The following NFKB1 variants were observed in gnomAD, a reference collection of about 807,000 sequenced individuals.
NFKB1 encodes the protein nuclear factor kappa B subunit 1.
Under a neutral mutation model 105.1 loss-of-function variants are expected in NFKB1, and 9 were observed. The ratio of observed to expected loss-of-function variants is 0.09; its 90% CI spans 0.05 to 0.15. The LOEUF is 0.15. Ranked by LOEUF, NFKB1 falls within the 10% of genes least tolerant of loss-of-function variation. NFKB1 has a pLI of 1.00. For missense variants in NFKB1, 830 were observed against 1,203.7 expected (o/e 0.69, Z 4.59); for synonymous variants, 440 against 442.2 (o/e 1.00, Z 0.06).
intron 5 of NFKB1, among the ~76,000 whole-genome samples, chr4:102,561,165 C>T (rs146709214): frequency 2.8e-4 from 43 of 152,246 alleles, no homozygotes; most frequent in Admixed American, 1.1e-3. Flanking sequence ...TTCCTGGTTG[C>T]CCTGGTTGCT....
intron 3 of NFKB1, among the ~76,000 whole-genome samples, chr4:102,531,521 T>A (rs1741289747): frequency 6.6e-6 from 1 of 152,190 alleles, no homozygotes; most frequent in South Asian, 2.1e-4. Context: ...TCTAGATTTT[T>A]TGAAATCTAA....
At chr4:102,532,941 G>A (rs975518191) in intron 3 of NFKB1, among the ~76,000 whole-genome samples, 1 of 152,106 alleles carries the variant, frequency 6.6e-6, no homozygotes, top group Admixed American at 6.6e-5. Flanking sequence ...TGAACAGTTT[G>A]TACTTATGTT....
At chr4:102,505,305 A>C (rs1256084705) in intron 1 of NFKB1, among the ~76,000 whole-genome samples, 1 of 152,248 alleles carries the variant, frequency 6.6e-6, no homozygotes, top group Non-Finnish European at 1.5e-5. Context: ...ATTATGGATG[A>C]AAATATTTGT....
chr4:102,525,295 C>A (rs1487858926), intron 1 of NFKB1, among the ~76,000 whole-genome samples: 1 of 152,090 alleles, frequency 6.6e-6, no homozygotes, highest in African/African-American at 2.4e-5. Flanking sequence ...TTGAATCATA[C>A]GTAAGTGGTA....
intron 5 of NFKB1, among the ~76,000 whole-genome samples, chr4:102,551,424 C>G (rs983848439): frequency 1.2e-4 from 18 of 150,990 alleles, no homozygotes; most frequent in African/African-American, 4.4e-4. Context: ...AAAATATACC[C>G]TCCTTGAGAT....
At chr4:102,574,526 C>T (rs1480861837) in intron 6 of NFKB1, among the ~76,000 whole-genome samples, 2 of 152,158 alleles carry the variant, frequency 1.3e-5, no homozygotes, top group Admixed American at 6.5e-5. Flanking sequence ...TGAGTTTTAG[C>T]CTCCTTGGCT....
intron 13 of NFKB1, 83 bp downstream of exon 13, chr4:102,595,064 C>G: frequency 1.2e-6 from 1 of 825,142 alleles, no homozygotes; most frequent in Non-Finnish European, 2.0e-6. Flanking sequence ...TTACTTATCA[C>G]AACAGTATTA....
At chr4:102,587,986 CTG>C (rs1166973908) in intron 11 of NFKB1, among the ~76,000 whole-genome samples, 1 of 152,168 alleles carries the variant, frequency 6.6e-6, no homozygotes, top group South Asian at 2.1e-4. Context: ...CCCCCAGTCT[CTG>C]TAGTCATTCC....
intron 1 of NFKB1, among the ~76,000 whole-genome samples, chr4:102,518,150 A>G (rs1740324954): frequency 6.6e-6 from 1 of 152,202 alleles, no homozygotes; most frequent in South Asian, 2.1e-4. Flanking sequence ...TGAAAATGAT[A>G]TATTGGCAGA....
chr4:102,516,527 A>G (rs756137219), intron 1 of NFKB1, among the ~76,000 whole-genome samples: 67 of 151,984 alleles, frequency 4.4e-4, no homozygotes, highest in Admixed American at 9.2e-4. Context: ...ATAATGTTAA[A>G]TATGCTAAGT....
At position 102,614,857 on chromosome 4, in the gene NFKB1, A is replaced by G. The variant is rs371188336; in HGVS notation, c.2749+1276A>G. ...CCTGCTTGGTACCTCACCCAAGCCC[A>G]ATACTGGCTACATCTGTCAGAAGCG... On this transcript the variant is annotated intron_variant, in intron 23 of 23. Transcript: ENST00000226574. Among the ~76,000 whole-genome samples the G allele has an allele frequency of 1.8e-4, 28 of 152,198 alleles. No homozygotes were observed. In the East Asian group the frequency reaches 5.4e-3, roughly 30 times the overall value.
chr4:102,514,277 A>C (rs1739981485), intron 1 of NFKB1, among the ~76,000 whole-genome samples: 1 of 152,130 alleles, frequency 6.6e-6, no homozygotes, highest in Non-Finnish European at 1.5e-5. Context: ...TTTTGTTCCT[A>C]AGCCTTCTAT....
chr4:102,506,471 T>A (rs1739422806), intron 1 of NFKB1, among the ~76,000 whole-genome samples: 2 of 152,240 alleles, frequency 1.3e-5, no homozygotes, highest in South Asian at 4.1e-4. Flanking sequence ...TAGCAGGGTT[T>A]ACTGTACTTT....
At chr4:102,504,080 A>G (rs1739267459) in intron 1 of NFKB1, among the ~76,000 whole-genome samples, 1 of 152,190 alleles carries the variant, frequency 6.6e-6, no homozygotes, top group Admixed American at 6.5e-5. Context: ...TCTGGGGGGA[A>G]GTGGTTACTT....
chr4:102,609,637 G>A (rs772763079), intron 19 of NFKB1, among the ~76,000 whole-genome samples: 6 of 131,186 alleles, frequency 4.6e-5, no homozygotes, highest in African/African-American at 6.2e-5. Flanking sequence ...AAAAAAAAGC[G>A]TCAGTTAAGA....
chr4:102,579,646 A>AAAT (rs1553934287), intron 8 of NFKB1, among the ~76,000 whole-genome samples: 105 of 124,144 alleles, frequency 8.5e-4, no homozygotes, highest in African/African-American at 3.0e-3. Context: ...CAAAAAAAAA[A>AAAT]ATATATATAT....
chr4:102,562,531 T>C (rs1723526839), intron 5 of NFKB1, among the ~76,000 whole-genome samples: 1 of 152,174 alleles, frequency 6.6e-6, no homozygotes, highest in African/African-American at 2.4e-5. Context: ...TAGTGAGGTA[T>C]TACCTAGGTG....
intron 3 of NFKB1, among the ~76,000 whole-genome samples, chr4:102,532,089 A>G (rs1741326957): frequency 1.3e-5 from 2 of 152,302 alleles, no homozygotes; most frequent in East Asian, 3.9e-4. Flanking sequence ...TTTTTAAATT[A>G]TGATTATGTT....
In NFKB1 at chr4:102,597,531, C is replaced by T. The variant is rs753960003; in HGVS notation, c.1507C>T (p.Leu503=). ...ESAGVQDNLF[L]EKAMQLAKRH... ...TCATTGCCTTACAGATAACCTCTTT[C>T]TAGAGAAGGCTATGCAGCTTGCAAA... The change falls in exon 15 of 24, where the codon CTA becomes TTA. Residue 503 remains leucine (L), a synonymous_variant. Transcript: ENST00000226574. 11 of 1,611,430 alleles carry T rather than the reference C, an allele frequency of 6.8e-6. No homozygotes were observed. Among genetic ancestry groups the T allele is most frequent in the Middle Eastern group, 1.7e-4 (1 of 6,054 alleles).
Sources: allele counts gnomAD v4.1 joint callset (sites outside exome capture counted in the v4.1 genomes callset), GRCh38; gene constraint gnomAD v4.1.1; transcripts MANE v1.5; gene names NCBI Gene and HGNC (gene_info 2026-07-23, HGNC 2026-07-21).